CNTNAP4: variants seen among roughly 807,000 people sequenced by gnomAD.
CNTNAP4 encodes the protein contactin-associated protein-like 4.
In CNTNAP4, 98 loss-of-function variants were observed where a neutral mutation model predicts 148.4. The ratio of observed to expected loss-of-function variants is 0.66; its 90% CI spans 0.56 to 0.78. The LOEUF is 0.78. Ranked by LOEUF, CNTNAP4 falls within the 30% of genes least tolerant of loss-of-function variation. The pLI is 0.00. For missense variants in CNTNAP4, 1,935 were observed against 1,565.6 expected, an observed-to-expected ratio of 1.24 and a Z score of -3.98; for synonymous variants, 730 against 565.1, an observed-to-expected ratio of 1.29 and a Z score of -4.14.
chr16:76,538,523 T>A (rs2084317769), intron 19 of CNTNAP4, among the ~76,000 whole-genome samples, 183 bp downstream of exon 19: 1 of 152,076 alleles, frequency 6.6e-6, no homozygotes, highest in Non-Finnish European at 1.5e-5. Flanking sequence ...TTTAAAATGA[T>A]TAAGATGCCC....
At chr16:76,300,876 G>T (rs1959888217) in intron 1 of CNTNAP4, among the ~76,000 whole-genome samples, 1 of 151,970 alleles carries the variant, frequency 6.6e-6, no homozygotes, top group African/African-American at 2.4e-5. Flanking sequence ...GAAGTACCTG[G>T]ATGTCAAGGA....
chr16:76,453,904 ATAAAT>A (rs1483348189), intron 8 of CNTNAP4, among the ~76,000 whole-genome samples: 3 of 152,148 alleles, frequency 2.0e-5, no homozygotes, highest in Non-Finnish European at 1.5e-5. Context: ...ACAAAAAGAA[ATAAAT>A]TAATGAGTCT....
intron 2 of CNTNAP4, among the ~76,000 whole-genome samples, chr16:76,334,987 G>T (rs1438748825): frequency 6.6e-6 from 1 of 152,150 alleles, no homozygotes; most frequent in East Asian, 1.9e-4. Context: ...GTATTGTGTT[G>T]TAGATTGGAA....
At chr16:76,303,412 C>A (rs1463398630) in intron 1 of CNTNAP4, among the ~76,000 whole-genome samples, 1 of 152,036 alleles carries the variant, frequency 6.6e-6, no homozygotes, top group East Asian at 1.9e-4. Context: ...GAAATATCAC[C>A]TAATATGACT....
At chr16:76,419,383 T>C (rs1434526423) in intron 3 of CNTNAP4, among the ~76,000 whole-genome samples, 1 of 152,038 alleles carries the variant, frequency 6.6e-6, no homozygotes, top group Non-Finnish European at 1.5e-5. Context: ...GTCATTCCCT[T>C]TCCCACTTCC....
rs1555518817 is a variant in CNTNAP4, at chr16:76,307,517, T to TATATATATATATA, written c.86-8895_86-8883dup. Among the ~76,000 whole-genome samples, 4 of 116,358 alleles carry TATATATATATATA rather than the reference T, an allele frequency of 3.4e-5. No individual in the cohort carries two copies. The East Asian group carries it at 1.2e-3, about 35-fold the overall frequency. 76.3% of individuals were successfully genotyped at this position (116,358 alleles called of 152,430 possible). On this transcript the variant is annotated intron_variant, in intron 1 of 23. Transcript: ENST00000611870. ...TATTTTAAATGCATATATATATATA[T>TATATATATATATA]ATATATATATATATATATATATACC... is the stretch of plus-strand genomic sequence containing the variant.
rs2080982191 is a variant in CNTNAP4, at chr16:76,461,956, G to A, written c.1334G>A (p.Gly445Asp). 2 of 1,613,192 alleles carry A rather than the reference G, an allele frequency of 1.2e-6. No homozygotes were observed. The highest frequency in any genetic ancestry group is 1.7e-6 in the Non-Finnish European group (2 of 1,179,374). Residue 445 changes from glycine (G) to aspartate (D), a missense_variant and splice_region_variant, in exon 9 of 24, where the codon GGT becomes GAT. Gly to Asp is a moderately conservative substitution (Grantham distance 94). Transcript: ENST00000611870. The stretch of plus-strand genomic sequence containing the variant: ...TCTCTAACTGATTTCATCTCCCTAG[G>A]TGTCGAATTAAATGATGGGCAGTGG... Reference protein sequence around the residue: ...PGKLPSDITAGVELNDGQWHS... With the variant: ...PGKLPSDITADVELNDGQWHS...
At chr16:76,526,895 A>T (rs2083756890) in intron 17 of CNTNAP4, among the ~76,000 whole-genome samples, 2 of 152,092 alleles carry the variant, frequency 1.3e-5, no homozygotes, top group Admixed American at 1.3e-4. Flanking sequence ...GCTGGTCTCA[A>T]ACTCCTGGGC....
chr16:76,519,662 T>A (rs894968001), intron 15 of CNTNAP4, among the ~76,000 whole-genome samples: 6 of 152,232 alleles, frequency 3.9e-5, no homozygotes, highest in Non-Finnish European at 8.8e-5. Flanking sequence ...GCATTTATTT[T>A]GTCCTAGAGA....
intron 14 of CNTNAP4, 60 bp downstream of exon 14, chr16:76,495,126 A>G (rs2082358179): frequency 6.4e-7 from 1 of 1,570,490 alleles, no homozygotes; most frequent in Non-Finnish European, 8.7e-7. Context: ...TTAATCACTC[A>G]AAGTATGTAT....
chr16:76,299,432 A>C (rs983729078), intron 1 of CNTNAP4, among the ~76,000 whole-genome samples: 7 of 152,188 alleles, frequency 4.6e-5, no homozygotes, highest in Non-Finnish European at 8.8e-5. Context: ...ATGCAAATCA[A>C]AACCACAATG....
At chr16:76,297,595 A>G (rs1382515757) in intron 1 of CNTNAP4, among the ~76,000 whole-genome samples, 1 of 152,130 alleles carries the variant, frequency 6.6e-6, no homozygotes. Flanking sequence ...CCCTGGGGTC[A>G]TTGAAATATA....
At chr16:76,351,770 G>C (rs1274278574) in intron 2 of CNTNAP4, among the ~76,000 whole-genome samples, 3 of 152,200 alleles carry the variant, frequency 2.0e-5, no homozygotes, top group Non-Finnish European at 4.4e-5. Flanking sequence ...GCAGCGCTAG[G>C]AAGAGGGAGC....
At chr16:76,530,910 C>G (rs1597080280) in intron 17 of CNTNAP4, among the ~76,000 whole-genome samples, 1 of 152,180 alleles carries the variant, frequency 6.6e-6, no homozygotes, top group African/African-American at 2.4e-5. Context: ...CAATGCTTGA[C>G]ATATAGAAGA....
intron 10 of CNTNAP4, among the ~76,000 whole-genome samples, chr16:76,470,807 C>A (rs1403363997): frequency 6.6e-6 from 1 of 152,098 alleles, no homozygotes; most frequent in Non-Finnish European, 1.5e-5. Flanking sequence ...AATACACACA[C>A]ATGCTCACAT....
At chr16:76,294,763 A>C (rs1041471632) in intron 1 of CNTNAP4, among the ~76,000 whole-genome samples, 2 of 151,552 alleles carry the variant, frequency 1.3e-5, no homozygotes, top group African/African-American at 4.9e-5. Flanking sequence ...CTCAACAAAT[A>C]GTTAGTAAGC....
At chr16:76,369,228 CAAAAT>C (rs748515541) in intron 3 of CNTNAP4, among the ~76,000 whole-genome samples, 4 of 152,066 alleles carry the variant, frequency 2.6e-5, no homozygotes, top group African/African-American at 4.8e-5. Context: ...TGCAATATAA[CAAAAT>C]AATACGTTCT....
At chr16:76,344,778 G>A (rs954508561) in intron 2 of CNTNAP4, among the ~76,000 whole-genome samples, 1 of 152,180 alleles carries the variant, frequency 6.6e-6, no homozygotes, top group Non-Finnish European at 1.5e-5. Flanking sequence ...GCTAGATAAA[G>A]TCACCTCTTT....
At chr16:76,488,101 ATAACCT>A (rs1362125522) in intron 12 of CNTNAP4, among the ~76,000 whole-genome samples, 8 of 152,330 alleles carry the variant, frequency 5.3e-5, no homozygotes, top group African/African-American at 1.9e-4. Flanking sequence ...CTAGTTAATA[ATAACCT>A]TAAACTTCCG....
Sources: gnomAD v4.1 joint callset for allele counts (sites outside exome capture counted in the v4.1 genomes callset) on GRCh38, gnomAD v4.1.1 for gene constraint, MANE v1.5 for transcripts, NCBI Gene and HGNC (gene_info 2026-07-23, HGNC 2026-07-21) for gene names.